MID1: variants seen among roughly 807,000 people sequenced by gnomAD.
The protein encoded by MID1 is midline 1.
MID1 carries 7 observed loss-of-function variants against 40.4 expected under a neutral mutation model. That is an observed-to-expected ratio of 0.17 (90% CI 0.10 to 0.33). The LOEUF is 0.33. Among genes scored for constraint, MID1 ranks in the 10% least tolerant of loss-of-function variants. The probability of loss-of-function intolerance (pLI) is 1.00; values close to 1 mark genes in which losing one functional copy is unlikely to be tolerated. For missense variants in MID1, 367 were observed against 558.5 expected (o/e 0.66, Z 3.46); for synonymous variants, 229 against 221.2 (o/e 1.04, Z -0.31).
At chrX:10,486,720 C>T (rs1250989702) in intron 4 of MID1, among the ~76,000 whole-genome samples, 5 of 112,375 alleles carry the variant, frequency 4.4e-5, no homozygotes, top group African/African-American at 1.6e-4. Context: ...CAAATGTATA[C>T]TTTTTAAAAA....
rs1169366982 is a variant in MID1, at chrX:10,449,526, C to T, written c.1846G>A (p.Ala616Thr). ...ATGGAGTTCAAAGCATCATAAAAGG[C>T]GATAGAGCCGTTATCATAGTCCAGC... ...ILLDYDNGSI[A>T]FYDALNSIHL... is the part of the protein sequence containing the mutation. Residue 616 changes from alanine (A) to threonine (T), a missense_variant, in exon 10 of 10, where the codon GCC (alanine) becomes ACC (threonine). This residue lies in a region of MID1 where 275 missense variants were observed against 383.1 expected (regional missense o/e 0.72). Coordinates refer to ENST00000317552, the MANE Select transcript of MID1 (RefSeq NM_000381.4). 3.3e-6 allele frequency: 4 copies of T among 1,211,598 alleles called. No homozygotes were observed. Among genetic ancestry groups the T allele is most frequent in the East Asian group, 3.0e-5 (1 of 33,819 alleles).
chrX:10,814,048 T>C (rs2044119491), intron 1 of MID1, among the ~76,000 whole-genome samples: 1 of 111,818 alleles, frequency 8.9e-6, no homozygotes, highest in African/African-American at 3.2e-5. Context: ...AAGCTTGAAT[T>C]TTGTATAATT....
At chrX:10,832,960 T>C (rs1278358818) in intron 1 of MID1, among the ~76,000 whole-genome samples, 1 of 112,586 alleles carries the variant, frequency 8.9e-6, no homozygotes, top group Non-Finnish European at 1.9e-5. Context: ...TAAATAGACA[T>C]ACGCTCCTTG....
chrX:10,626,293 A>G (rs1288354888), intron 1 of MID1, among the ~76,000 whole-genome samples: 1 of 105,817 alleles, frequency 9.5e-6, no homozygotes, highest in Non-Finnish European at 1.9e-5. Flanking sequence ...CTTTGCAGGT[A>G]TAGGTGATCA....
intron 1 of MID1, among the ~76,000 whole-genome samples, chrX:10,795,055 C>T (rs2043958762): frequency 9.0e-6 from 1 of 111,603 alleles, no homozygotes; most frequent in Admixed American, 9.5e-5. Flanking sequence ...TTCTCTGTGT[C>T]TGGGCTGTCC....
At chrX:10,760,151 A>T (rs769600438) in intron 1 of MID1, among the ~76,000 whole-genome samples, 1 of 112,077 alleles carries the variant, frequency 8.9e-6, no homozygotes, top group African/African-American at 3.2e-5. Flanking sequence ...TCAGTGCCTG[A>T]CAATGTCCTG....
intron 1 of MID1, among the ~76,000 whole-genome samples, chrX:10,751,797 C>T (rs914219429): frequency 7.1e-5 from 8 of 112,125 alleles, no homozygotes; most frequent in Admixed American, 4.7e-4. Context: ...GATATTGTCC[C>T]CTCCAAATCT....
At chrX:10,465,214 T>TATATATATATATATATATACACACAC (rs1477864693) in intron 7 of MID1, among the ~76,000 whole-genome samples, 1 of 39,900 alleles carries the variant, frequency 2.5e-5, no homozygotes, top group Non-Finnish European at 4.2e-5. Context: ...TATATATATA[T>TATATATATATATATATATACACACAC]ACACACACAC....
chrX:10,636,369 TTTC>T (rs1415666355), intron 1 of MID1, among the ~76,000 whole-genome samples: 3 of 111,607 alleles, frequency 2.7e-5, no homozygotes, highest in African/African-American at 9.8e-5. Context: ...CTGTAGTTTT[TTTC>T]TTCTTTCAGC....
At chrX:10,775,960 C>A (rs1012592427) in intron 1 of MID1, among the ~76,000 whole-genome samples, 16 of 111,435 alleles carry the variant, frequency 1.4e-4, no homozygotes, top group Non-Finnish European at 3.0e-4. Context: ...TTACAAGCAT[C>A]AGTTGGACAG....
intron 1 of MID1, among the ~76,000 whole-genome samples, chrX:10,720,404 T>G (rs2043342287): frequency 8.9e-6 from 1 of 111,998 alleles, no homozygotes; most frequent in Admixed American, 9.4e-5. Context: ...GAACAGACAC[T>G]TCTCAAAGAA....
chrX:10,611,498 TCA>T (rs1935736054), intron 1 of MID1, among the ~76,000 whole-genome samples: 1 of 111,685 alleles, frequency 9.0e-6, no homozygotes. Flanking sequence ...CCCATCAGCC[TCA>T]CAGTTTTACT....
chrX:10,609,515 T>C (rs189238208), intron 1 of MID1, among the ~76,000 whole-genome samples: 59 of 110,668 alleles, frequency 5.3e-4, no homozygotes, highest in Non-Finnish European at 8.5e-4. Context: ...GTGAGGAAAC[T>C]TGGGAAGTTT....
chrX:10,455,477 G>T (rs192509019), intron 8 of MID1, among the ~76,000 whole-genome samples: 53 of 111,469 alleles, frequency 4.8e-4, no homozygotes, highest in African/African-American at 1.7e-3. Context: ...CATAGGGTGA[G>T]CTAGCTTCAC....
At chrX:10,469,441 T>A (rs1929571078) in intron 7 of MID1, 1 of 1,092,437 alleles carries the variant, frequency 9.2e-7, no homozygotes, top group Non-Finnish European at 1.2e-6. Flanking sequence ...TTTCTCTCTA[T>A]ATATTTGTTT....
intron 3 of MID1, among the ~76,000 whole-genome samples, chrX:10,519,395 G>A (rs768371913): frequency 9.0e-6 from 1 of 111,375 alleles, no homozygotes; most frequent in Non-Finnish European, 1.9e-5. Flanking sequence ...TATTTCCAAT[G>A]TTGTTTAATC....
intron 1 of MID1, among the ~76,000 whole-genome samples, chrX:10,687,263 C>T (rs2043105222): frequency 9.0e-6 from 1 of 111,496 alleles, no homozygotes; most frequent in South Asian, 3.8e-4. Context: ...AGAGACAAAA[C>T]CTCCCAAGGA....
chrX:10,533,279 T>TA (rs1436199172), intron 2 of MID1, among the ~76,000 whole-genome samples: 1 of 98,769 alleles, frequency 1.0e-5, no homozygotes, highest in Non-Finnish European at 2.0e-5. Context: ...TTTCCTTATT[T>TA]AAAAAACAAC....
At chrX:10,710,210 G>GC (rs1378946581) in intron 1 of MID1, among the ~76,000 whole-genome samples, 2 of 111,292 alleles carry the variant, frequency 1.8e-5, no homozygotes, top group Non-Finnish European at 3.8e-5. Context: ...TCAGGAGGCA[G>GC]CCAAAGCCCT....
Sources: gnomAD v4.1 joint callset for allele counts (sites outside exome capture counted in the v4.1 genomes callset) on GRCh38, gnomAD v4.1.1 for gene constraint, gnomAD v4.1.1 regional missense constraint, MANE v1.5 for transcripts, NCBI Gene and HGNC (gene_info 2026-07-23, HGNC 2026-07-21) for gene names.